Variants in NKAIN2 observed in about 807,000 individuals in gnomAD.
NKAIN2 encodes sodium/potassium-transporting ATPase subunit beta-1-interacting protein 2.
Under a neutral mutation model 32.6 loss-of-function variants are expected in NKAIN2, and 14 were observed. The ratio of observed to expected loss-of-function variants is 0.43; its 90% confidence interval spans 0.28 to 0.67. The LOEUF (loss-of-function observed/expected upper bound fraction) is 0.67, where lower values mean the gene tolerates loss of function less well. Ranked by LOEUF, NKAIN2 falls within the 30% of genes least tolerant of loss-of-function variation. NKAIN2 has a pLI of 0.17. For missense variants in NKAIN2, 198 were observed against 258.3 expected, an observed-to-expected ratio of 0.77 and a Z score of 1.60; for synonymous variants, 80 against 87.2, an observed-to-expected ratio of 0.92 and a Z score of 0.46.
chr6:123,975,554 C>T (rs938312589), intron 1 of NKAIN2, among the ~76,000 whole-genome samples: 4 of 152,086 alleles, frequency 2.6e-5, no homozygotes, highest in African/African-American at 9.7e-5. Flanking sequence ...AACAAAATAT[C>T]ATAAACTGGG....
chr6:123,964,594 T>G lies in NKAIN2; in HGVS notation c.54+160340T>G, dbSNP rs990799835. On this transcript the variant is annotated intron_variant, in intron 1 of 6. Coordinates refer to ENST00000368417, the MANE Select transcript of NKAIN2 (RefSeq NM_001040214.3). The surrounding 1 kb of genome is among the most constrained non-coding windows in gnomAD (Gnocchi z 4.0). ...CTTGGGGATATAGAAAGGGCGTATGTAAGAGTTCTAAAAATTATTAAAGGT... is the reference window on the plus strand; with the variant it reads ...CTTGGGGATATAGAAAGGGCGTATGGAAGAGTTCTAAAAATTATTAAAGGT... Among the ~76,000 whole-genome samples the G allele has an allele frequency of 1.3e-5, 2 of 152,298 alleles. No individual in the cohort carries two copies. Among genetic ancestry groups the G allele is most frequent in the South Asian group, 2.1e-4 (1 of 4,824 alleles).
intron 5 of NKAIN2, chr6:124,794,969 A>G (rs1779934072): frequency 7.4e-6 from 2 of 270,412 alleles, no homozygotes; most frequent in Non-Finnish European, 1.1e-5. Flanking sequence ...AGGTTAAAAT[A>G]AAACCACTCT....
intron 1 of NKAIN2, among the ~76,000 whole-genome samples, chr6:124,019,457 A>G (rs925150792): frequency 6.6e-6 from 1 of 152,168 alleles, no homozygotes; most frequent in Admixed American, 6.6e-5. Context: ...ATATAAATAC[A>G]AAATTTACTT....
intron 3 of NKAIN2, among the ~76,000 whole-genome samples, chr6:124,480,473 C>A (rs1777400403): frequency 6.6e-6 from 1 of 152,106 alleles, no homozygotes; most frequent in African/African-American, 2.4e-5. Flanking sequence ...CAGCATTTGA[C>A]CTTTCAGCTT....
intron 4 of NKAIN2, among the ~76,000 whole-genome samples, chr6:124,673,197 T>A (rs1773192144): frequency 6.6e-6 from 1 of 152,068 alleles, no homozygotes; most frequent in African/African-American, 2.4e-5. Context: ...TAAGTTCATC[T>A]ATATTGTTGC....
intron 4 of NKAIN2, among the ~76,000 whole-genome samples, chr6:124,747,026 A>T (rs1364382772): frequency 1.3e-5 from 2 of 151,996 alleles, no homozygotes; most frequent in African/African-American, 2.4e-5. Context: ...GTATTTTTTT[A>T]AAACTACAAA....
intron 3 of NKAIN2, among the ~76,000 whole-genome samples, chr6:124,630,643 TACAGGAGCTCTTTCAAAA>T (rs1473556702): frequency 6.6e-5 from 10 of 152,324 alleles, no homozygotes; most frequent in Admixed American, 3.3e-4. Flanking sequence ...TGCTATGAAT[TACAGGAGCTCTTTCAAAA>T]TTTCCTCAAC....
At chr6:124,042,879 C>A (rs2114813658) in intron 1 of NKAIN2, among the ~76,000 whole-genome samples, 1 of 152,052 alleles carries the variant, frequency 6.6e-6, no homozygotes, top group South Asian at 2.1e-4. Flanking sequence ...TCCTTTGTAA[C>A]AGGAATTTTT....
intron 1 of NKAIN2, among the ~76,000 whole-genome samples, chr6:124,258,623 A>G (rs1350534320): frequency 6.6e-6 from 1 of 152,220 alleles, no homozygotes. Flanking sequence ...CAAGTTACTT[A>G]ACCTCTCTGG....
intron 3 of NKAIN2, among the ~76,000 whole-genome samples, chr6:124,548,888 G>A (rs1027718629): frequency 1.8e-4 from 27 of 152,156 alleles, no homozygotes; most frequent in Non-Finnish European, 4.4e-5. Flanking sequence ...GGACAAAGAA[G>A]GAACCATCCA....
At chr6:124,565,006 G>GT (rs1427601879) in intron 3 of NKAIN2, among the ~76,000 whole-genome samples, 1 of 151,864 alleles carries the variant, frequency 6.6e-6, no homozygotes, top group Non-Finnish European at 1.5e-5. Context: ...AGTTTTATCA[G>GT]TGTATGTTAA....
chr6:124,013,624 C>A (rs995899281), intron 1 of NKAIN2, among the ~76,000 whole-genome samples: 1 of 152,100 alleles, frequency 6.6e-6, no homozygotes, highest in Non-Finnish European at 1.5e-5. Flanking sequence ...AAGATGTCTA[C>A]GACCTAATCC....
intron 3 of NKAIN2, among the ~76,000 whole-genome samples, chr6:124,379,463 G>T (rs969843012): frequency 2.0e-5 from 3 of 152,036 alleles, no homozygotes; most frequent in African/African-American, 4.8e-5. Flanking sequence ...TTTATGTAAT[G>T]AATTCCCTGC....
intron 3 of NKAIN2, among the ~76,000 whole-genome samples, chr6:124,502,742 C>G (rs1778342340): frequency 6.6e-6 from 1 of 152,054 alleles, no homozygotes; most frequent in Non-Finnish European, 1.5e-5. Context: ...TTATTTTGCT[C>G]TTCATTTGAA....
intron 3 of NKAIN2, among the ~76,000 whole-genome samples, chr6:124,589,105 C>T (rs1218957299): frequency 6.6e-6 from 1 of 152,076 alleles, no homozygotes; most frequent in Non-Finnish European, 1.5e-5. Context: ...TATATAGTTA[C>T]ATATAGTACG....
intron 2 of NKAIN2, among the ~76,000 whole-genome samples, chr6:124,326,752 A>C (rs965683928): frequency 1.3e-5 from 2 of 152,050 alleles, no homozygotes; most frequent in Admixed American, 1.3e-4. Context: ...GTATAATTAG[A>C]TTTTCTGGTA....
chr6:124,569,632 C>A (rs1363606506), intron 3 of NKAIN2, among the ~76,000 whole-genome samples: 1 of 152,182 alleles, frequency 6.6e-6, no homozygotes, highest in East Asian at 1.9e-4. Flanking sequence ...CTCATTCTCT[C>A]TTGTTGCCAC....
At chr6:124,629,286 T>G (rs903101960) in intron 3 of NKAIN2, among the ~76,000 whole-genome samples, 5 of 152,178 alleles carry the variant, frequency 3.3e-5, no homozygotes. Flanking sequence ...CTTCTTCCAC[T>G]TTCAGGTACT....
intron 1 of NKAIN2, among the ~76,000 whole-genome samples, chr6:123,884,394 G>A (rs1773616358): frequency 6.6e-6 from 1 of 152,060 alleles, no homozygotes; most frequent in African/African-American, 2.4e-5. Context: ...ACACATTTTT[G>A]TTCCTTTTAA....
Sources: gnomAD v4.1 joint callset for allele counts (sites outside exome capture counted in the v4.1 genomes callset) on GRCh38, gnomAD v4.1.1 for gene constraint, Gnocchi (gnomAD v3.1) non-coding constraint, MANE v1.5 for transcripts, NCBI Gene and HGNC (gene_info 2026-07-23, HGNC 2026-07-21) for gene names.